The following MRPS6 variants were observed in gnomAD, a reference collection of about 807,000 sequenced individuals.
MRPS6 encodes mitochondrial ribosomal protein S6, also known as small ribosomal subunit protein bS6m.
In MRPS6, 6 loss-of-function variants were observed where a neutral mutation model predicts 13.1. That is an observed-to-expected ratio of 0.46 (90% confidence interval 0.25 to 0.91). The LOEUF (loss-of-function observed/expected upper bound fraction) is 0.91. MRPS6 is among the 40% of genes least tolerant of loss of function. The pLI, the probability that MRPS6 is intolerant of heterozygous loss-of-function variation, is 0.18. For missense variants in MRPS6, 164 were observed against 155.6 expected, an observed-to-expected ratio of 1.05 and a Z score of -0.29; for synonymous variants, 61 against 56.5, an observed-to-expected ratio of 1.08 and a Z score of -0.36.
intron 1 of MRPS6, chr21:34,105,345 G>A (rs1979430186): frequency 1.0e-6 from 1 of 999,456 alleles, no homozygotes; most frequent in Admixed American, 6.2e-5. Context: ...AAAAATAGTT[G>A]CTGTGCAAAA....
At position 34,096,950 on chromosome 21, in the gene MRPS6, C is replaced by T. The variant is rs1420144473; in HGVS notation, c.45+23205C>T. 1 of 1,613,978 alleles carries T rather than the reference C, an allele frequency of 6.2e-7. No homozygotes were observed. Among genetic ancestry groups the T allele is most frequent in the African/African-American group, 1.3e-5 (1 of 74,900 alleles). On this transcript the variant is annotated intron_variant, in intron 1 of 2. Transcript: ENST00000399312. This position sits in a 1 kb window ranked among gnomAD's most constrained non-coding sequence, Gnocchi z 5.9. ...GTGAGAATAATGAGACCATCAACCACATCATTCCCAACGGGAAATCTGAAG... is the reference window on the plus strand; with the variant it reads ...GTGAGAATAATGAGACCATCAACCATATCATTCCCAACGGGAAATCTGAAG...
intron 1 of MRPS6, among the ~76,000 whole-genome samples, chr21:34,083,925 G>GA (rs1215024962): frequency 6.6e-6 from 1 of 152,178 alleles, no homozygotes. Flanking sequence ...GGCATACAAA[G>GA]AAAACAGTCG....
At chr21:34,078,784 A>AG (rs1989392488) in intron 1 of MRPS6, among the ~76,000 whole-genome samples, 1 of 152,254 alleles carries the variant, frequency 6.6e-6, no homozygotes, top group Non-Finnish European at 1.5e-5. Flanking sequence ...ATGATAAAAT[A>AG]CTGTGTGATT....
chr21:34,077,133 T>TG (rs1236548847), intron 1 of MRPS6, among the ~76,000 whole-genome samples: 3 of 152,128 alleles, frequency 2.0e-5, no homozygotes, highest in African/African-American at 7.2e-5. Flanking sequence ...CTCTTGTGAG[T>TG]GGGAAAATGG....
At chr21:34,104,660 A>G in intron 1 of MRPS6, 1 of 1,000,294 alleles carries the variant, frequency 1.0e-6, no homozygotes, top group Non-Finnish European at 1.2e-6. Flanking sequence ...GAATGAGCCT[A>G]CCACATTATT....
At chr21:34,089,367 T>TA (rs1978564142) in intron 1 of MRPS6, among the ~76,000 whole-genome samples, 1 of 151,738 alleles carries the variant, frequency 6.6e-6, no homozygotes, top group Non-Finnish European at 1.5e-5. Flanking sequence ...TGTTGGGAGT[T>TA]TGCTCCTATA....
intron 1 of MRPS6, chr21:34,101,171 A>G: frequency 1.0e-6 from 1 of 1,000,160 alleles, no homozygotes; most frequent in Non-Finnish European, 1.2e-6. Flanking sequence ...GGTGACACAG[A>G]TATTAGCCCG....
At chr21:34,093,646 A>ATT (rs143993992) in intron 1 of MRPS6, among the ~76,000 whole-genome samples, 1 of 152,266 alleles carries the variant, frequency 6.6e-6, no homozygotes, top group African/African-American at 2.4e-5. Context: ...AGGAGAAATC[A>ATT]TTTAGAAGTT....
intron 1 of MRPS6, 21 bp from the exon 2 acceptor site, chr21:34,125,320 T>A (rs1201908057): frequency 2.5e-5 from 40 of 1,602,530 alleles, no homozygotes; most frequent in Non-Finnish European, 3.1e-5. Context: ...TTCTTTTCTT[T>A]AAAAACACAA....
intron 1 of MRPS6, chr21:34,098,110 A>G: frequency 1.0e-6 from 1 of 999,780 alleles, no homozygotes; most frequent in Non-Finnish European, 1.2e-6. Flanking sequence ...GGAGAAAATG[A>G]AGTAAATGTT....
chr21:34,090,020 C>G (rs146658235), intron 1 of MRPS6, among the ~76,000 whole-genome samples: 1 of 152,248 alleles, frequency 6.6e-6, no homozygotes, highest in Non-Finnish European at 1.5e-5. Context: ...ATCTGAACAT[C>G]CCAAACCCAA....
intron 1 of MRPS6, chr21:34,102,230 C>G (rs1428393138): frequency 1.0e-6 from 1 of 999,770 alleles, no homozygotes; most frequent in African/African-American, 1.7e-5. Context: ...AATTAACTGG[C>G]TTTGCCAGTG....
At position 34,095,183 on chromosome 21, in the gene MRPS6, T is replaced by C. The variant is rs752816922; in HGVS notation, c.45+21438T>C. ...CACTTCTGTCATTGGAGCGCTATTA[T>C]TCACAAGTTACCAGAATGAGAGCTG... On this transcript the variant is annotated intron_variant, in intron 1 of 2. Coordinates refer to ENST00000399312, the MANE Select transcript of MRPS6 (RefSeq NM_032476.4). The C allele has an allele frequency of 6.3e-6, 10 of 1,577,408 alleles. No homozygotes were observed. The South Asian group carries it at 1.2e-4, about 19-fold the overall frequency.
Position 34,096,925 on chromosome 21 carries a change from G to A in MRPS6, c.45+23180G>A. Reference sequence around the variant, plus strand: ...CAAGAAAAGAGCATTCTGAGATGCAGTGAGAATAATGAGACCATCAACCAC... The same window carrying A: ...CAAGAAAAGAGCATTCTGAGATGCAATGAGAATAATGAGACCATCAACCAC... On this transcript the variant is annotated intron_variant, in intron 1 of 2. Transcript: ENST00000399312. This position sits in a 1 kb window ranked among gnomAD's most constrained non-coding sequence, Gnocchi z 5.9. 2 of 1,614,116 alleles carry A rather than the reference G, an allele frequency of 1.2e-6. No individual in the cohort carries two copies. Among genetic ancestry groups the A allele is most frequent in the Non-Finnish European group, 1.7e-6 (2 of 1,179,990 alleles).
chr21:34,103,981 TA>T, intron 1 of MRPS6: 1 of 1,000,136 alleles, frequency 1.0e-6, no homozygotes, highest in Non-Finnish European at 1.2e-6. Flanking sequence ...GGGTTTTTTG[TA>T]AAAAATCTTA....
At chr21:34,121,779 C>T (rs112002376) in intron 1 of MRPS6, among the ~76,000 whole-genome samples, 2 of 152,166 alleles carry the variant, frequency 1.3e-5, no homozygotes, top group East Asian at 3.9e-4. Context: ...AGAACTTTTT[C>T]CCCTCTAAGC....
chr21:34,086,215 G>A (rs1245784564), intron 1 of MRPS6, among the ~76,000 whole-genome samples: 1 of 151,690 alleles, frequency 6.6e-6, no homozygotes, highest in Non-Finnish European at 1.5e-5. Context: ...TTCAGGTTTT[G>A]TTTTGTTTTG....
chr21:34,130,052 C>G (rs1188491028), intron 2 of MRPS6, among the ~76,000 whole-genome samples: 1 of 152,186 alleles, frequency 6.6e-6, no homozygotes, highest in Non-Finnish European at 1.5e-5. Flanking sequence ...TTAGACAGAT[C>G]TGTTTCCTAT....
chr21:34,105,594 A>G (rs1478302851), intron 1 of MRPS6: 9 of 999,970 alleles, frequency 9.0e-6, no homozygotes, highest in East Asian at 1.1e-4. Context: ...CAGTTAGTAC[A>G]CTGGGGGTGT....
Sources: gnomAD v4.1 joint callset for allele counts (sites outside exome capture counted in the v4.1 genomes callset) on GRCh38, gnomAD v4.1.1 for gene constraint, Gnocchi (gnomAD v3.1) non-coding constraint, MANE v1.5 for transcripts, NCBI Gene and HGNC (gene_info 2026-07-23, HGNC 2026-07-21) for gene names.